The following ITGA2 variants were observed in gnomAD, a reference collection of about 807,000 sequenced individuals.
The protein encoded by ITGA2 is integrin alpha-2.
In ITGA2, 101 loss-of-function variants were observed where a neutral mutation model predicts 146.3. The observed-to-expected ratio is 0.69, with a 90% CI of 0.59 to 0.81. The LOEUF is 0.81. Ranked by LOEUF, ITGA2 falls within the 40% of genes least tolerant of loss-of-function variation. The pLI, the probability that ITGA2 is intolerant of heterozygous loss-of-function variation, is 0.00. For synonymous variants in ITGA2, 477 were observed against 487.1 expected, an observed-to-expected ratio of 0.98 and a Z score of 0.27; for missense variants, 1,281 against 1,402.7, an observed-to-expected ratio of 0.91 and a Z score of 1.39.
chr5:53,076,331 G>A (rs1002734013), intron 23 of ITGA2, among the ~76,000 whole-genome samples: 2 of 152,006 alleles, frequency 1.3e-5, no homozygotes, highest in Admixed American at 1.3e-4. Context: ...CATGGAATCT[G>A]TAGATCATCC....
intron 20 of ITGA2, among the ~76,000 whole-genome samples, 192 bp from the exon 21 acceptor site, chr5:53,074,193 G>A (rs1163454552): frequency 1.3e-5 from 2 of 151,860 alleles, no homozygotes; most frequent in African/African-American, 4.8e-5. Context: ...GGTATCTTTA[G>A]GGTTAGCAAT....
At chr5:52,998,920 A>G (rs958068719) in intron 1 of ITGA2, among the ~76,000 whole-genome samples, 1 of 152,228 alleles carries the variant, frequency 6.6e-6, no homozygotes, top group Non-Finnish European at 1.5e-5. Context: ...TGCAAAAATA[A>G]TTCTATTTGT....
chr5:53,090,459 C>A, intron 29 of ITGA2, 60 bp from the exon 30 acceptor site: 1 of 1,461,562 alleles, frequency 6.8e-7, no homozygotes, highest in Non-Finnish European at 9.6e-7. Context: ...CCAAGGGGGT[C>A]AGAGGCACCT....
intron 21 of ITGA2, 112 bp downstream of exon 21, chr5:53,074,589 GCTGCATA>G (rs1434420151): frequency 2.4e-6 from 2 of 822,112 alleles, no homozygotes; most frequent in Non-Finnish European, 4.2e-6. Flanking sequence ...AAAATAACTA[GCTGCATA>G]CTTAGGGGAA....
At chr5:53,033,733 A>T (rs1421791139) in intron 2 of ITGA2, among the ~76,000 whole-genome samples, 2 of 151,336 alleles carry the variant, frequency 1.3e-5, no homozygotes, top group Non-Finnish European at 2.9e-5. Context: ...GAATAGCTGG[A>T]ATTATAGGCA....
At chr5:53,083,134 G>A (rs968188038) in intron 26 of ITGA2, among the ~76,000 whole-genome samples, 1 of 152,120 alleles carries the variant, frequency 6.6e-6, no homozygotes, top group Non-Finnish European at 1.5e-5. Context: ...ATGGGGTAAA[G>A]AGTGTGCACT....
intron 26 of ITGA2, 108 bp from the exon 27 acceptor site, chr5:53,083,232 C>T (rs1476390113): frequency 8.3e-6 from 6 of 724,376 alleles, no homozygotes; most frequent in South Asian, 6.0e-5. Context: ...TGCCTGTTTC[C>T]CTAGGTGTGT....
In ITGA2 at chr5:53,083,352, G is replaced by A. The variant is rs777431853; in HGVS notation, c.3157G>A (p.Ala1053Thr). ...RHTKELNCRT[A>T]SCSNVTCWLK... The stretch of plus-strand genomic sequence containing the variant: ...TCAATACTATAAGAACTGCAGAACT[G>A]CTTCCTGTAGTAATGTTACCTGCTG... The change falls in exon 27 of 30, where the codon GCT (alanine) becomes ACT (threonine). Residue 1053 changes from alanine (A) to threonine (T), a missense_variant. By Grantham distance (58) the Ala-to-Thr change is moderately conservative (BLOSUM62 0). Coordinates refer to ENST00000296585, the MANE Select transcript of ITGA2 (RefSeq NM_002203.4). The A allele has an allele frequency of 1.6e-5, 25 of 1,605,232 alleles. No individual in the cohort carries two copies. The East Asian group carries it at 2.7e-4, about 17-fold the overall frequency.
chr5:53,016,931 T>A (rs1742425014), intron 1 of ITGA2, among the ~76,000 whole-genome samples: 1 of 152,254 alleles, frequency 6.6e-6, no homozygotes, highest in African/African-American at 2.4e-5. Flanking sequence ...TTCAGCTGTA[T>A]CAGATGAATA....
Position 53,094,488 on chromosome 5 carries a change from A to G in ITGA2, c.*3889A>G, listed in dbSNP as rs530007169. Reference sequence around the variant, plus strand: ...TTGGATATTTTCCTTTATACATAATAGATAAGTCTTTTTTCAAATGTGGTG... The same window carrying G: ...TTGGATATTTTCCTTTATACATAATGGATAAGTCTTTTTTCAAATGTGGTG... On this transcript the variant is annotated 3_prime_UTR_variant, in exon 30 of 30. Transcript: ENST00000296585. The G allele has an allele frequency of 3.9e-4, 59 of 152,290 alleles. No individual in the cohort carries two copies. The South Asian group carries it at 8.3e-3, about 21-fold the overall frequency. 9.4% of individuals were successfully genotyped at this position (152,290 alleles called of 1,614,324 possible).
At chr5:53,047,163 G>A (rs950180123) in intron 4 of ITGA2, among the ~76,000 whole-genome samples, 2 of 152,068 alleles carry the variant, frequency 1.3e-5, no homozygotes, top group Non-Finnish European at 2.9e-5. Context: ...GTTAAACTGG[G>A]TCAAATAAGT....
chr5:52,999,916 T>A (rs1286248683), intron 1 of ITGA2, among the ~76,000 whole-genome samples: 1 of 152,184 alleles, frequency 6.6e-6, no homozygotes, highest in Non-Finnish European at 1.5e-5. Flanking sequence ...ATAAAAGATT[T>A]CCAGGATCCC....
intron 1 of ITGA2, among the ~76,000 whole-genome samples, chr5:53,026,228 T>G (rs1388123387): frequency 6.6e-6 from 1 of 152,188 alleles, no homozygotes; most frequent in Non-Finnish European, 1.5e-5. Flanking sequence ...ATCAATGCCT[T>G]TTCGACAGAT....
chr5:52,990,104 C>G (rs1740860679), intron 1 of ITGA2: 1 of 156,212 alleles, frequency 6.4e-6, no homozygotes. Flanking sequence ...GGACGAAGCG[C>G]TGTGTTTCTT....
intron 13 of ITGA2, among the ~76,000 whole-genome samples, chr5:53,064,171 T>G (rs1213473128): frequency 6.6e-6 from 1 of 152,016 alleles, no homozygotes; most frequent in Non-Finnish European, 1.5e-5. Context: ...ATTATGTCAC[T>G]ATTTGGTAAT....
chr5:53,007,721 G>A lies in ITGA2; in HGVS notation c.64+18189G>A, dbSNP rs3756540. 1.0e-3 allele frequency among the ~76,000 whole-genome samples: 157 copies of A among 152,240 alleles called. 4 individuals carry two copies. The East Asian group carries it at 0.025, about 24-fold the overall frequency. On this transcript the variant is annotated intron_variant, in intron 1 of 29. Transcript: ENST00000296585. ...CCCTCCAGCAATCTTATGAAAAAGA[G>A]AGAATCTATTGAGTTGTTAAGAAGC...
At chr5:53,087,433 A>G (rs1351992277) in intron 28 of ITGA2, among the ~76,000 whole-genome samples, 1 of 152,172 alleles carries the variant, frequency 6.6e-6, no homozygotes, top group Non-Finnish European at 1.5e-5. Flanking sequence ...ACAAAACTTA[A>G]TCATGCTTAT....
intron 11 of ITGA2, among the ~76,000 whole-genome samples, chr5:53,060,381 A>G (rs1744850366): frequency 6.6e-6 from 1 of 151,912 alleles, no homozygotes; most frequent in African/African-American, 2.4e-5. Flanking sequence ...CAGACTTACT[A>G]TGGGACAGTT....
intron 1 of ITGA2, 75 bp from the exon 2 acceptor site, chr5:53,026,673 T>C (rs1004608147): frequency 1.3e-5 from 18 of 1,337,384 alleles, no homozygotes; most frequent in Non-Finnish European, 1.8e-5. Flanking sequence ...TTCTTAAAAA[T>C]GGCCTTTGAG....
Sources: allele counts gnomAD v4.1 joint callset (sites outside exome capture counted in the v4.1 genomes callset), GRCh38; gene constraint gnomAD v4.1.1; transcripts MANE v1.5; gene names NCBI Gene and HGNC (gene_info 2026-07-23, HGNC 2026-07-21).